The following PRELID2 variants were observed in gnomAD, a reference collection of about 807,000 sequenced individuals.
PRELID2 encodes the protein PRELI domain-containing protein 2.
PRELID2 carries 25 observed loss-of-function variants against 28.4 expected under a neutral mutation model. The observed-to-expected ratio is 0.88, with a 90% CI of 0.64 to 1.23. PRELID2 has a LOEUF of 1.23. Among genes scored for constraint, PRELID2 ranks in the 50% most tolerant of loss-of-function variants. The pLI is 0.00. For synonymous variants in PRELID2, 76 were observed against 71.6 expected (o/e 1.06, Z -0.31); for missense variants, 201 against 214.4 (o/e 0.94, Z 0.39).
intron 1 of PRELID2, among the ~76,000 whole-genome samples, chr5:145,598,405 G>A (rs1444146149): frequency 6.6e-6 from 1 of 152,166 alleles, no homozygotes; most frequent in Non-Finnish European, 1.5e-5. Context: ...AACCGGTCTA[G>A]CATCTATGTT....
the PRELID2 span, among the ~76,000 whole-genome samples, chr5:145,264,512 T>C: frequency 1.3e-5 from 2 of 151,962 alleles, no homozygotes; most frequent in African/African-American, 2.4e-5. Context: ...AAAAGCCAAC[T>C]ATGACAAACC....
chr5:145,563,775 T>C lies in PRELID2; in HGVS notation n.71-90460A>G, dbSNP rs113397184. Among the ~76,000 whole-genome samples, 1,156 of 152,046 alleles carry C rather than the reference T, an allele frequency of 7.6e-3. 19 individuals are homozygous for C. Among genetic ancestry groups the C allele is most frequent in the African/African-American group, 0.026 (1,074 of 41,474 alleles). ...ATGGTGGTTACCAGGGTTAGGGAGG[T>C]AGAACAAATGAGGAGGTGTTGGTCA... is the stretch of plus-strand genomic sequence containing the variant. On this transcript the variant is annotated intron_variant and non_coding_transcript_variant, in intron 1 of 2. Transcript: ENST00000510259.
At chr5:145,384,911 A>C in the PRELID2 span, among the ~76,000 whole-genome samples, 1 of 152,090 alleles carries the variant, frequency 6.6e-6, no homozygotes, top group African/African-American at 2.4e-5. Flanking sequence ...TTCACCTCCC[A>C]CCAGGCCCCA....
At chr5:145,363,440 T>G in the PRELID2 span, among the ~76,000 whole-genome samples, 2 of 151,998 alleles carry the variant, frequency 1.3e-5, no homozygotes. Context: ...CCATTAAAAA[T>G]AGTAAAACTC....
chr5:145,403,696 CGACATGGGT>C, the PRELID2 span, among the ~76,000 whole-genome samples: 2 of 152,314 alleles, frequency 1.3e-5, no homozygotes, highest in Non-Finnish European at 2.9e-5. Context: ...ACAAATCCTA[CGACATGGGT>C]GTTATTATCC....
intron 1 of PRELID2, among the ~76,000 whole-genome samples, chr5:145,660,747 A>G (rs1021603363): frequency 6.6e-6 from 1 of 152,238 alleles, no homozygotes; most frequent in Non-Finnish European, 1.5e-5. Flanking sequence ...AAATAGGAAC[A>G]GGAGAAGGGA....
At chr5:145,259,789 G>A in the PRELID2 span, among the ~76,000 whole-genome samples, 2 of 152,128 alleles carry the variant, frequency 1.3e-5, no homozygotes, top group Non-Finnish European at 2.9e-5. Flanking sequence ...GGAATTTGGA[G>A]GATTATGGGG....
At chr5:145,374,508 T>C in the PRELID2 span, among the ~76,000 whole-genome samples, 1 of 152,104 alleles carries the variant, frequency 6.6e-6, no homozygotes, top group Non-Finnish European at 1.5e-5. Context: ...CTGTATTTCT[T>C]GAATTTTCAG....
chr5:145,727,229 C>T (rs1194554727), intron 1 of PRELID2, among the ~76,000 whole-genome samples: 1 of 152,144 alleles, frequency 6.6e-6, no homozygotes, highest in Non-Finnish European at 1.5e-5. Flanking sequence ...AAGCAAGGAG[C>T]CAGCAAGTCT....
chr5:145,600,561 G>C (rs1753382162), intron 1 of PRELID2, among the ~76,000 whole-genome samples: 1 of 151,666 alleles, frequency 6.6e-6, no homozygotes, highest in Admixed American at 6.6e-5. Context: ...ATTTGGAATA[G>C]AGTGATCACT....
At chr5:145,637,481 G>T (rs987763229) in intron 1 of PRELID2, among the ~76,000 whole-genome samples, 1 of 151,866 alleles carries the variant, frequency 6.6e-6, no homozygotes, top group African/African-American at 2.4e-5. Context: ...ATAGTCCTAA[G>T]GTCTTGCCCA....
the PRELID2 span, among the ~76,000 whole-genome samples, chr5:145,293,260 GT>G: frequency 4.4e-3 from 670 of 152,208 alleles, 3 homozygotes; most frequent in Non-Finnish European, 6.1e-3. Context: ...ATAGACTTGG[GT>G]ATCTAAGTAT....
chr5:145,548,271 T>G (rs1752804410), intron 1 of PRELID2, among the ~76,000 whole-genome samples: 1 of 152,194 alleles, frequency 6.6e-6, no homozygotes, highest in Non-Finnish European at 1.5e-5. Flanking sequence ...ATTTAAATAT[T>G]GAGGAATACA....
the PRELID2 span, among the ~76,000 whole-genome samples, chr5:145,349,542 A>T: frequency 1.2e-3 from 179 of 152,204 alleles, 1 homozygote; most frequent in African/African-American, 4.2e-3. Flanking sequence ...GTTTCTTGAA[A>T]CCATGAAGAG....
chr5:145,235,613 T>C, the PRELID2 span, among the ~76,000 whole-genome samples: 3 of 152,284 alleles, frequency 2.0e-5, no homozygotes, highest in East Asian at 1.9e-4. Flanking sequence ...TCTGTTTCAA[T>C]TGACACCCAA....
intron 1 of PRELID2, among the ~76,000 whole-genome samples, chr5:145,546,663 T>C (rs1422047726): frequency 6.6e-6 from 1 of 152,166 alleles, no homozygotes; most frequent in Non-Finnish European, 1.5e-5. Context: ...AGAGCAGAGA[T>C]GGAATGCTTT....
intron 1 of PRELID2, among the ~76,000 whole-genome samples, chr5:145,647,370 C>A (rs144068712): frequency 6.6e-6 from 1 of 152,140 alleles, no homozygotes; most frequent in Non-Finnish European, 1.5e-5. Context: ...CACCTCCCCC[C>A]ACCAACCTCA....
At chr5:145,263,901 C>A in the PRELID2 span, among the ~76,000 whole-genome samples, 5 of 151,076 alleles carry the variant, frequency 3.3e-5, no homozygotes, top group African/African-American at 7.3e-5. Context: ...CAGCTGAATT[C>A]TTTGTTTTTG....
chr5:145,550,433 AG>A (rs1752824464), intron 1 of PRELID2, among the ~76,000 whole-genome samples: 1 of 152,164 alleles, frequency 6.6e-6, no homozygotes, highest in Non-Finnish European at 1.5e-5. Context: ...AAGATTAGCC[AG>A]GTGTGGTGGC....
Sources: gnomAD v4.1 joint callset for allele counts (sites outside exome capture counted in the v4.1 genomes callset) on GRCh38, gnomAD v4.1.1 for gene constraint, MANE v1.5 for transcripts, NCBI Gene and HGNC (gene_info 2026-07-23, HGNC 2026-07-21) for gene names.